RNF217: variants seen among roughly 807,000 people sequenced by gnomAD.
RNF217 encodes the protein E3 ubiquitin-protein ligase RNF217.
A neutral mutation model predicts 57.8 loss-of-function variants in RNF217; 31 were observed. The ratio of observed to expected loss-of-function variants is 0.54; its 90% CI spans 0.40 to 0.72. The LOEUF (loss-of-function observed/expected upper bound fraction) is 0.72. Ranked by LOEUF, RNF217 falls within the 30% of genes least tolerant of loss-of-function variation. The pLI, the probability that RNF217 is intolerant of heterozygous loss-of-function variation, is 0.00. For synonymous variants in RNF217, 313 were observed against 294.0 expected (o/e 1.06, Z -0.66); for missense variants, 696 against 708.3 (o/e 0.98, Z 0.20).
At position 125,090,342 on chromosome 6, in the gene RNF217, A is replaced by G. The variant is rs1457405665; in HGVS notation, c.*7405A>G. On this transcript the variant is annotated 3_prime_UTR_variant, in exon 6 of 6. Transcript: ENST00000521654. The stretch of plus-strand genomic sequence containing the variant: ...TAGAAGGAACACAACAGTGATGTTA[A>G]AATGTTAACAAAGAACCAGTTGTTT... 1 of 152,088 alleles carries G rather than the reference A, an allele frequency of 6.6e-6. No homozygotes were observed. The highest frequency in any genetic ancestry group is 1.5e-5 in the Non-Finnish European group (1 of 67,942). The allele number at this position is 152,088 out of a possible 1,614,324, so 9.4% of individuals were successfully genotyped here.
Position 125,048,407 on chromosome 6 carries a change from A to G in RNF217, c.1116+2963A>G, listed in dbSNP as rs1293031154. ...TACATTGCATCATGAGGCAACAGAAATAGAAAAAAAAAGGTTGCTGCTAAT... is the reference window on the plus strand; with the variant it reads ...TACATTGCATCATGAGGCAACAGAAGTAGAAAAAAAAAGGTTGCTGCTAAT... On this transcript the variant is annotated intron_variant, in intron 2 of 5. Transcript: ENST00000521654. The G allele has an allele frequency of 3.1e-5, 17 of 548,032 alleles. No individual in the cohort carries two copies. In the East Asian group the frequency reaches 1.1e-3, roughly 35 times the overall value. 33.9% of individuals were successfully genotyped at this position (548,032 alleles called of 1,614,324 possible).
chr6:125,087,362 A>G lies in RNF217; in HGVS notation c.*4425A>G, dbSNP rs560038187. ...CACATAAGCCTTAATGTGAGTCTTC[A>G]CATTGGATTATATTTTTATTCTCCC... On this transcript the variant is annotated 3_prime_UTR_variant, in exon 6 of 6. Coordinates refer to ENST00000521654, the MANE Select transcript of RNF217 (RefSeq NM_001286398.3). The G allele has an allele frequency of 1.3e-5, 2 of 152,300 alleles. No homozygotes were observed. The highest frequency in any genetic ancestry group is 4.1e-4 in the South Asian group (2 of 4,830). 9.4% of individuals were successfully genotyped at this position (152,300 alleles called of 1,614,324 possible). A position where few individuals can be genotyped will look rare whatever the true frequency, so the allele number is the denominator to read the frequency against.
Position 125,021,269 on chromosome 6 carries a change from T to C in RNF217, c.883-23942T>C, listed in dbSNP as rs78618500. 9.8e-3 allele frequency among the ~76,000 whole-genome samples: 65 copies of C among 6,664 alleles called. No individual in the cohort carries two copies. The Non-Finnish European group carries it at 0.33, about 34-fold the overall frequency. The allele number at this position is 6,664 out of a possible 152,430, so 4.4% of individuals were successfully genotyped here. ...TAGACAGTAATAACATGGAAAAAGC[T>C]TTTTTTTTTTTTTTTGAGACGGAGT... On this transcript the variant is annotated intron_variant, in intron 1 of 5. Transcript: ENST00000521654.
intron 3 of RNF217, among the ~76,000 whole-genome samples, chr6:125,075,207 C>G (rs1279312668): frequency 6.6e-6 from 1 of 151,982 alleles, no homozygotes. Flanking sequence ...ATGTGTGGCC[C>G]AAGACAATTC....
chr6:125,009,149 A>AT (rs1373668525), intron 1 of RNF217: 1 of 1,454,480 alleles, frequency 6.9e-7, no homozygotes, highest in Non-Finnish European at 9.2e-7. Context: ...ACCTTTTGCC[A>AT]TTTTTTCTCT....
At chr6:124,998,699 G>GC (rs1011387946) in intron 1 of RNF217, among the ~76,000 whole-genome samples, 1 of 152,114 alleles carries the variant, frequency 6.6e-6, no homozygotes, top group Non-Finnish European at 1.5e-5. Context: ...TACTCAGGAG[G>GC]CCCAGGCAGG....
chr6:124,968,715 T>C (rs780355705), intron 1 of RNF217, among the ~76,000 whole-genome samples: 1 of 152,016 alleles, frequency 6.6e-6, no homozygotes, highest in African/African-American at 2.4e-5. Flanking sequence ...ACCTTTAGAG[T>C]GTGATTTTTC....
In RNF217 at chr6:125,001,394, C is replaced by T. The variant is rs566418569; in HGVS notation, c.882+37968C>T. On this transcript the variant is annotated intron_variant, in intron 1 of 5. Coordinates refer to ENST00000521654, the MANE Select transcript of RNF217 (RefSeq NM_001286398.3). ...AAATTTGTTGGACTTAATTCGAGAA[C>T]GGTAGAATGAAGGAACTAGTGAAGT... 3.9e-5 allele frequency among the ~76,000 whole-genome samples: 6 copies of T among 152,222 alleles called. 1 individual carries two copies. Among genetic ancestry groups the T allele is most frequent in the Admixed American group, 3.3e-4 (5 of 15,286 alleles).
intron 3 of RNF217, among the ~76,000 whole-genome samples, chr6:125,061,141 A>G (rs1787716667): frequency 6.6e-6 from 1 of 152,104 alleles, no homozygotes; most frequent in Non-Finnish European, 1.5e-5. Context: ...ATATTCATCT[A>G]GAATTTTTTT....
chr6:124,990,802 C>T (rs529755635), intron 1 of RNF217, among the ~76,000 whole-genome samples: 2 of 152,222 alleles, frequency 1.3e-5, no homozygotes, highest in East Asian at 1.9e-4. Context: ...TGGTGGCTTA[C>T]GTCCGTAATC....
intron 1 of RNF217, among the ~76,000 whole-genome samples, chr6:125,044,599 C>T (rs1488411976): frequency 6.6e-6 from 1 of 151,980 alleles, no homozygotes; most frequent in Non-Finnish European, 1.5e-5. Flanking sequence ...TAACTGGTTT[C>T]ATTTTCTTAC....
At position 125,087,295 on chromosome 6, in the gene RNF217, T is replaced by G. The variant is rs1349270976; in HGVS notation, c.*4358T>G. 1.3e-5 allele frequency: 2 copies of G among 151,784 alleles called. No homozygotes were observed. The highest frequency in any genetic ancestry group is 1.3e-4 in the Admixed American group (2 of 15,246). 9.4% of individuals were successfully genotyped at this position (151,784 alleles called of 1,614,324 possible). A position where few individuals can be genotyped will look rare whatever the true frequency, so the allele number is the denominator to read the frequency against. The stretch of plus-strand genomic sequence containing the variant: ...TTTACTACAAAAATAAGAAAATGTA[T>G]GCCAAAAAACGTTTTTAGATTTTAA... On this transcript the variant is annotated 3_prime_UTR_variant, in exon 6 of 6. Transcript: ENST00000521654.
At chr6:125,029,046 T>C (rs1366221264) in intron 1 of RNF217, among the ~76,000 whole-genome samples, 1 of 152,190 alleles carries the variant, frequency 6.6e-6, no homozygotes, top group African/African-American at 2.4e-5. Flanking sequence ...GAAAGCTCAG[T>C]TGAAGCAGAA....
chr6:124,983,294 A>C (rs1784244530), intron 1 of RNF217: 1 of 860,388 alleles, frequency 1.2e-6, no homozygotes, highest in African/African-American at 1.8e-5. Flanking sequence ...TGTAGAGACA[A>C]TCAGATTCTG....
chr6:124,990,444 G>T (rs1784517731), intron 1 of RNF217, among the ~76,000 whole-genome samples: 1 of 152,054 alleles, frequency 6.6e-6, no homozygotes, highest in Non-Finnish European at 1.5e-5. Context: ...TCTCAAATTT[G>T]ACATCTCAAA....
chr6:125,082,544 C>T (rs765713186), intron 5 of RNF217: 2 of 1,612,438 alleles, frequency 1.2e-6, no homozygotes, highest in South Asian at 2.2e-5. Flanking sequence ...AAGTGATATG[C>T]TATACTGCCT....
intron 1 of RNF217, among the ~76,000 whole-genome samples, chr6:124,997,160 G>C (rs546595482): frequency 5.3e-5 from 8 of 152,136 alleles, no homozygotes; most frequent in African/African-American, 1.9e-4. Context: ...TTTTGACCAG[G>C]CATAGAAAAG....
intron 1 of RNF217, among the ~76,000 whole-genome samples, chr6:124,996,285 TTTTTGAAGATTTTTAA>T (rs1784750251): frequency 1.3e-5 from 2 of 152,146 alleles, no homozygotes; most frequent in Non-Finnish European, 1.5e-5. Context: ...GCTTTTTTTA[TTTTTGAAGATTTTTAA>T]TTTTGAAGAT....
In RNF217 at chr6:125,085,253, A is replaced by C. The variant is rs751573397; in HGVS notation, c.*2316A>C. 5 of 151,864 alleles carry C rather than the reference A, an allele frequency of 3.3e-5. No individual in the cohort carries two copies. The highest frequency in any genetic ancestry group is 7.4e-5 in the Non-Finnish European group (5 of 67,848). 9.4% of individuals were successfully genotyped at this position (151,864 alleles called of 1,614,324 possible). A position where few individuals can be genotyped will look rare whatever the true frequency, so the allele number is the denominator to read the frequency against. On this transcript the variant is annotated 3_prime_UTR_variant, in exon 6 of 6. Coordinates refer to ENST00000521654, the MANE Select transcript of RNF217 (RefSeq NM_001286398.3). ...TGGAAAACTTTCCAATATTCCTGTT[A>C]CAAAGTGGTGTCTGTTTTCAGTGAT...
Sources: gnomAD v4.1 joint callset for allele counts (sites outside exome capture counted in the v4.1 genomes callset) on GRCh38, gnomAD v4.1.1 for gene constraint, MANE v1.5 for transcripts, NCBI Gene and HGNC (gene_info 2026-07-23, HGNC 2026-07-21) for gene names.